The following RELN variants were observed in gnomAD, a reference collection of about 807,000 sequenced individuals.
The protein encoded by RELN is reelin.
Under a neutral mutation model 427.6 loss-of-function variants are expected in RELN, and 108 were observed. The observed-to-expected ratio is 0.25, with a 90% confidence interval of 0.22 to 0.30. The LOEUF is 0.30. RELN is among the 10% of genes least tolerant of loss of function. The pLI, the probability that RELN is intolerant of heterozygous loss-of-function variation, is 1.00. For synonymous variants in RELN, 1,524 were observed against 1,513.4 expected (o/e 1.01, Z -0.16); for missense variants, 3,715 against 4,302.8 (o/e 0.86, Z 3.82).
chr7:103,490,313 G>A (rs1257319298), intron 59 of RELN, among the ~76,000 whole-genome samples: 11 of 148,798 alleles, frequency 7.4e-5, no homozygotes, highest in African/African-American at 1.7e-4. Context: ...GATGAGAAGC[G>A]CAGCCTTTGG....
intron 2 of RELN, among the ~76,000 whole-genome samples, chr7:103,866,391 G>A (rs923052979): frequency 6.6e-6 from 1 of 151,952 alleles, no homozygotes; most frequent in Non-Finnish European, 1.5e-5. Flanking sequence ...CTTGCTTTCG[G>A]GTATGTTTGA....
At chr7:103,825,066 C>A (rs978849394) in intron 3 of RELN, among the ~76,000 whole-genome samples, 2 of 152,006 alleles carry the variant, frequency 1.3e-5, no homozygotes, top group Non-Finnish European at 2.9e-5. Context: ...TTTATTATTA[C>A]TATTATGACC....
At chr7:103,487,019 A>G (rs544869005) in intron 60 of RELN, among the ~76,000 whole-genome samples, 31 of 152,344 alleles carry the variant, frequency 2.0e-4, no homozygotes, top group African/African-American at 7.0e-4. Flanking sequence ...ATGTCCATCA[A>G]TGTTAGACTG....
intron 10 of RELN, among the ~76,000 whole-genome samples, chr7:103,684,437 G>T (rs1421121033): frequency 6.6e-6 from 1 of 152,040 alleles, no homozygotes; most frequent in Non-Finnish European, 1.5e-5. Context: ...GGGAATCCAC[G>T]GCTTCCTTGG....
chr7:103,487,638 C>G (rs1828491854), intron 60 of RELN, among the ~76,000 whole-genome samples: 1 of 152,166 alleles, frequency 6.6e-6, no homozygotes, highest in South Asian at 2.1e-4. Flanking sequence ...TTAAATACCA[C>G]AGCATCTGGC....
At chr7:103,829,924 A>C (rs1029220365) in intron 3 of RELN, among the ~76,000 whole-genome samples, 18 of 152,096 alleles carry the variant, frequency 1.2e-4, no homozygotes, top group Non-Finnish European at 2.6e-4. Context: ...TGGCTGTATT[A>C]AAATGAGATT....
chr7:103,879,965 G>T (rs1405552448), intron 2 of RELN, among the ~76,000 whole-genome samples: 5 of 151,602 alleles, frequency 3.3e-5, no homozygotes, highest in Non-Finnish European at 7.4e-5. Flanking sequence ...TCATTGCAAT[G>T]TTTATCAAAA....
intron 3 of RELN, among the ~76,000 whole-genome samples, chr7:103,829,465 A>G (rs1793223545): frequency 6.6e-6 from 1 of 151,958 alleles, no homozygotes; most frequent in Admixed American, 6.6e-5. Flanking sequence ...AATCAGATAT[A>G]AAAGTAAAAA....
intron 2 of RELN, among the ~76,000 whole-genome samples, chr7:103,905,668 T>A (rs1486429714): frequency 6.6e-6 from 1 of 151,898 alleles, no homozygotes; most frequent in Non-Finnish European, 1.5e-5. Context: ...GCACTGGTAA[T>A]GTGCCACAGG....
chr7:103,897,128 A>G (rs1794978715), intron 2 of RELN, among the ~76,000 whole-genome samples: 1 of 152,090 alleles, frequency 6.6e-6, no homozygotes, highest in African/African-American at 2.4e-5. Flanking sequence ...CCATGATTAA[A>G]TTACCTCCCA....
In RELN at chr7:103,492,671, C is replaced by A. The variant is rs577965558; in HGVS notation, c.9370-645G>T. On this transcript the variant is annotated intron_variant, in intron 57 of 64. Coordinates refer to ENST00000428762, the MANE Select transcript of RELN (RefSeq NM_005045.4). Reference sequence around the variant, plus strand: ...CCATACAGTCATGAATAAAACAACTCTAAATTCAGAGAGAGAATAAGAAGC... The same window carrying A: ...CCATACAGTCATGAATAAAACAACTATAAATTCAGAGAGAGAATAAGAAGC... 8.5e-5 allele frequency among the ~76,000 whole-genome samples: 13 copies of A among 152,144 alleles called. No homozygotes were observed. In the South Asian group the frequency reaches 2.7e-3, roughly 32 times the overall value.
chr7:103,474,511 A>G (rs1401121395), intron 64 of RELN, among the ~76,000 whole-genome samples: 1 of 152,254 alleles, frequency 6.6e-6, no homozygotes, highest in East Asian at 1.9e-4. Context: ...ACATGTATCA[A>G]CTAAGTTGAT....
At chr7:103,806,531 G>T (rs1439403790) in intron 3 of RELN, among the ~76,000 whole-genome samples, 1 of 151,950 alleles carries the variant, frequency 6.6e-6, no homozygotes, top group Non-Finnish European at 1.5e-5. Context: ...TTCCACATTG[G>T]CCAGGCTGGT....
At chr7:103,541,551 G>A (rs772996924) in intron 43 of RELN, among the ~76,000 whole-genome samples, 46 of 152,188 alleles carry the variant, frequency 3.0e-4, no homozygotes, top group Non-Finnish European at 5.4e-4. Context: ...CTACTGAGAT[G>A]AGCTAAATAA....
At chr7:103,812,256 C>T (rs1300767391) in intron 3 of RELN, among the ~76,000 whole-genome samples, 3 of 152,176 alleles carry the variant, frequency 2.0e-5, no homozygotes, top group African/African-American at 7.2e-5. Flanking sequence ...TCTCCCCAGA[C>T]CCTCAGAAAC....
chr7:103,964,595 T>G (rs1173526806), intron 1 of RELN, among the ~76,000 whole-genome samples: 3 of 152,190 alleles, frequency 2.0e-5, no homozygotes, highest in Non-Finnish European at 4.4e-5. Context: ...TGCACCTAAA[T>G]TTTTGCCTGT....
chr7:103,494,517 A>G (rs2528869), intron 57 of RELN, among the ~76,000 whole-genome samples: 59,514 of 149,252 alleles, frequency 0.4, 12,744 homozygotes, highest in African/African-American at 0.56. Context: ...TAGGACTACA[A>G]GTACATGCCA....
intron 11 of RELN, among the ~76,000 whole-genome samples, chr7:103,670,797 A>G (rs1833374613): frequency 6.6e-6 from 1 of 152,058 alleles, no homozygotes; most frequent in African/African-American, 2.4e-5. Flanking sequence ...GAGATATAAT[A>G]TCTTAGCCAG....
intron 28 of RELN, 28 bp from the exon 29 acceptor site, chr7:103,575,733 C>G (rs749830817): frequency 6.2e-7 from 1 of 1,612,978 alleles, no homozygotes; most frequent in Non-Finnish European, 8.5e-7. Context: ...ACACCTGTTT[C>G]TTGTACCAAC....
Sources: gnomAD v4.1 joint callset for allele counts (sites outside exome capture counted in the v4.1 genomes callset) on GRCh38, gnomAD v4.1.1 for gene constraint, MANE v1.5 for transcripts, NCBI Gene and HGNC (gene_info 2026-07-23, HGNC 2026-07-21) for gene names.